Variants in RBFOX1 observed in about 807,000 individuals in gnomAD.
The protein encoded by RBFOX1 is RNA binding fox-1 homolog 1.
RBFOX1 carries 8 observed loss-of-function variants against 57.7 expected under a neutral mutation model. That is an observed-to-expected ratio of 0.14 (90% CI 0.08 to 0.25). The LOEUF (loss-of-function observed/expected upper bound fraction) is 0.25. Ranked by LOEUF, RBFOX1 falls within the 10% of genes least tolerant of loss-of-function variation. The pLI, the probability that RBFOX1 is intolerant of heterozygous loss-of-function variation, is 1.00. For synonymous variants in RBFOX1, 326 were observed against 222.4 expected (o/e 1.47, Z -4.15); for missense variants, 611 against 548.5 (o/e 1.11, Z -1.14).
At chr16:5,436,169 G>T (rs755737931) in intron 1 of RBFOX1, among the ~76,000 whole-genome samples, 1 of 152,152 alleles carries the variant, frequency 6.6e-6, no homozygotes, top group Non-Finnish European at 1.5e-5. Flanking sequence ...CCTTTCTCTG[G>T]GGAGAGACAC....
chr16:7,377,506 T>A (rs944703991), intron 4 of RBFOX1, among the ~76,000 whole-genome samples: 1 of 152,196 alleles, frequency 6.6e-6, no homozygotes, highest in Admixed American at 6.5e-5. Flanking sequence ...AAAAATACTG[T>A]AGTAACAGCC....
At chr16:7,631,238 G>C (rs1341394250) in intron 11 of RBFOX1, among the ~76,000 whole-genome samples, 3 of 152,178 alleles carry the variant, frequency 2.0e-5, no homozygotes, top group Non-Finnish European at 4.4e-5. Flanking sequence ...TGCAGGGGCA[G>C]CAACATTAAA....
rs975815053 is a variant in RBFOX1 at position 7,084,975 on chromosome 16, T to C, written c.27+32877T>C. Among the ~76,000 whole-genome samples, 3 of 152,132 alleles carry C rather than the reference T, an allele frequency of 2.0e-5. No individual in the cohort carries two copies. The South Asian group carries it at 6.2e-4, about 32-fold the overall frequency. ...CTATCTATGTATCTGTCTGTCTGTC[T>C]GTCCATCCGTCCATCCATCCATGCA... On this transcript the variant is annotated intron_variant, in intron 4 of 15. Transcript: ENST00000550418.
chr16:6,982,684 T>C (rs2089240804), intron 3 of RBFOX1, among the ~76,000 whole-genome samples: 1 of 152,134 alleles, frequency 6.6e-6, no homozygotes, highest in Non-Finnish European at 1.5e-5. Context: ...AGATTTACTG[T>C]TATCTCATTT....
At chr16:5,546,516 A>C (rs34707192) in intron 2 of RBFOX1, among the ~76,000 whole-genome samples, 61,990 of 151,920 alleles carry the variant, frequency 0.41, 12,994 homozygotes, top group Non-Finnish European at 0.44. Flanking sequence ...GGAGTAGAAT[A>C]ATCTTTTCAA....
At chr16:6,791,713 C>G (rs567193034) in intron 3 of RBFOX1, among the ~76,000 whole-genome samples, 1 of 152,072 alleles carries the variant, frequency 6.6e-6, no homozygotes, top group African/African-American at 2.4e-5. Context: ...GAGCAGAGAT[C>G]GTGCCACACT....
chr16:7,341,468 T>C (rs890540026), intron 4 of RBFOX1, among the ~76,000 whole-genome samples: 2 of 152,164 alleles, frequency 1.3e-5, no homozygotes, highest in African/African-American at 4.8e-5. Flanking sequence ...AGAGGTTGCG[T>C]AGGGGGGCCA....
chr16:5,243,579 C>T (rs1270255205), intron 1 of RBFOX1, among the ~76,000 whole-genome samples: 2 of 152,186 alleles, frequency 1.3e-5, no homozygotes, highest in Non-Finnish European at 2.9e-5. Flanking sequence ...ATTCCCCCCT[C>T]CCAGCTATGG....
intron 3 of RBFOX1, among the ~76,000 whole-genome samples, chr16:5,834,205 T>C (rs2056377515): frequency 6.6e-6 from 1 of 152,234 alleles, no homozygotes; most frequent in Non-Finnish European, 1.5e-5. Flanking sequence ...TCTGAGCTTT[T>C]AGTGTACTTC....
At chr16:6,556,988 TATAC>T (rs1030209507) in intron 2 of RBFOX1, among the ~76,000 whole-genome samples, 35 of 116,924 alleles carry the variant, frequency 3.0e-4, no homozygotes, top group African/African-American at 9.7e-4. Context: ...CATACGTATA[TATAC>T]ATACATATAT....
chr16:7,238,970 T>A (rs2093918798), intron 4 of RBFOX1, among the ~76,000 whole-genome samples: 1 of 152,170 alleles, frequency 6.6e-6, no homozygotes, highest in South Asian at 2.1e-4. Context: ...AAGGACATGA[T>A]CTTGTTCTTT....
chr16:5,493,110 C>G lies in RBFOX1; in HGVS notation c.258+25856C>G, dbSNP rs778988076. On this transcript the variant is annotated intron_variant, in intron 2 of 2. Coordinates refer to the RBFOX1 transcript ENST00000585867. ...CAGAGCTGAGAAGATGTGGCAGAGA[C>G]TGTATAGCCCTTTACAGAAAAAGTG... Among the ~76,000 whole-genome samples, 26 of 152,354 alleles carry G rather than the reference C, an allele frequency of 1.7e-4. No homozygotes were observed. The Middle Eastern group carries it at 0.01, about 60-fold the overall frequency.
intron 3 of RBFOX1, among the ~76,000 whole-genome samples, chr16:6,944,712 G>A (rs921910588): frequency 1.3e-5 from 2 of 152,132 alleles, no homozygotes; most frequent in Non-Finnish European, 2.9e-5. Flanking sequence ...GGTTTCCTGG[G>A]CAACCTTTCT....
intron 3 of RBFOX1, among the ~76,000 whole-genome samples, chr16:6,871,932 T>C (rs1437926063): frequency 6.7e-6 from 1 of 149,506 alleles, no homozygotes; most frequent in Admixed American, 6.7e-5. Context: ...TGTGTGTGTG[T>C]GTGTGTGTGT....
chr16:7,159,394 A>G (rs1179316828), intron 4 of RBFOX1, among the ~76,000 whole-genome samples: 1 of 152,098 alleles, frequency 6.6e-6, no homozygotes, highest in Non-Finnish European at 1.5e-5. Flanking sequence ...TGATATTTGA[A>G]AGAGAATCAG....
intron 3 of RBFOX1, among the ~76,000 whole-genome samples, chr16:5,865,590 G>A (rs1263022265): frequency 6.6e-6 from 1 of 152,182 alleles, no homozygotes; most frequent in African/African-American, 2.4e-5. Flanking sequence ...GAGTGTGGGA[G>A]AGTTGGTGCC....
chr16:6,959,674 C>T (rs1358860036), intron 3 of RBFOX1, among the ~76,000 whole-genome samples: 2 of 152,214 alleles, frequency 1.3e-5, no homozygotes, highest in South Asian at 4.1e-4. Context: ...TAATGGCTCA[C>T]ATCTGTAATC....
chr16:7,537,422 C>T (rs562820088), intron 5 of RBFOX1, among the ~76,000 whole-genome samples: 18 of 152,160 alleles, frequency 1.2e-4, no homozygotes, highest in Admixed American at 7.9e-4. Context: ...GAAACTGAGG[C>T]GTGGTCAGTT....
chr16:5,434,978 G>T (rs1255996560), intron 1 of RBFOX1, among the ~76,000 whole-genome samples: 1 of 152,078 alleles, frequency 6.6e-6, no homozygotes. Flanking sequence ...CATTATCAAG[G>T]TTTACAATAT....
Sources: allele counts gnomAD v4.1 joint callset (sites outside exome capture counted in the v4.1 genomes callset), GRCh38; gene constraint gnomAD v4.1.1; transcripts MANE v1.5; gene names NCBI Gene and HGNC (gene_info 2026-07-23, HGNC 2026-07-21).